The following KANK1 variants were observed in gnomAD, a reference collection of about 807,000 sequenced individuals.
KANK1 encodes KN motif and ankyrin repeat domains 1, also known as KN motif and ankyrin repeat domain-containing protein 1.
In KANK1, 109 loss-of-function variants were observed where a neutral mutation model predicts 106.2. The observed-to-expected ratio is 1.03, with a 90% CI of 0.88 to 1.20. KANK1 has a LOEUF of 1.20. Among genes scored for constraint, KANK1 ranks in the 50% most tolerant of loss-of-function variants. KANK1 has a pLI of 0.00. For missense variants in KANK1, 2,399 were observed against 1,710.7 expected (o/e 1.40, Z -7.10); for synonymous variants, 873 against 652.2 (o/e 1.34, Z -5.16).
intron 3 of KANK1, chr9:476,599 C>G (rs1260795479): frequency 6.6e-6 from 1 of 152,168 alleles, no homozygotes; most frequent in Non-Finnish European, 1.5e-5. Flanking sequence ...CTGCTTCCAT[C>G]TCACCCAGGA....
chr9:586,204 C>T (rs1474106873), intron 1 of KANK1, among the ~76,000 whole-genome samples: 3 of 152,140 alleles, frequency 2.0e-5, no homozygotes, highest in Non-Finnish European at 4.4e-5. Flanking sequence ...GTGGCTGGAC[C>T]AGGATTCATG....
intron 1 of KANK1, among the ~76,000 whole-genome samples, chr9:506,869 G>A (rs2058781291): frequency 6.6e-6 from 1 of 152,112 alleles, no homozygotes; most frequent in Non-Finnish European, 1.5e-5. Context: ...TGGGAGCTGA[G>A]GACTGTTGAG....
chr9:501,514 T>C (rs1438419239), upstream of KANK1, among the ~76,000 whole-genome samples: 2 of 152,204 alleles, frequency 1.3e-5, no homozygotes, highest in Non-Finnish European at 1.5e-5. Flanking sequence ...AATAATTCTT[T>C]TCTTTCATAT....
intron 1 of KANK1, among the ~76,000 whole-genome samples, chr9:625,912 A>G (rs1188613870): frequency 1.3e-5 from 2 of 152,028 alleles, no homozygotes; most frequent in African/African-American, 2.4e-5. Context: ...CCAGATGATC[A>G]TTTTCATCCT....
intron 1 of KANK1, among the ~76,000 whole-genome samples, chr9:637,310 C>G (rs1837380634): frequency 6.6e-6 from 1 of 152,116 alleles, no homozygotes; most frequent in South Asian, 2.1e-4. Flanking sequence ...TTTCTCTGGC[C>G]TTTCATCATC....
At chr9:593,072 T>G (rs1353344089) in intron 1 of KANK1, among the ~76,000 whole-genome samples, 2 of 151,842 alleles carry the variant, frequency 1.3e-5, no homozygotes, top group African/African-American at 2.4e-5. Flanking sequence ...GTAGACAATC[T>G]TGTTTTAGAT....
intron 1 of KANK1, chr9:674,442 G>A (rs1815965767): frequency 1.3e-5 from 2 of 151,344 alleles, no homozygotes; most frequent in African/African-American, 4.9e-5. Context: ...ACACTGAGTT[G>A]CTTTCACAGT....
At chr9:664,448 A>C (rs982573617) in intron 1 of KANK1, among the ~76,000 whole-genome samples, 5 of 152,038 alleles carry the variant, frequency 3.3e-5, no homozygotes, top group Non-Finnish European at 7.4e-5. Flanking sequence ...TTTTTACCAC[A>C]CTTTCTTTTT....
At chr9:724,783 C>CA (rs1362463249) in intron 3 of KANK1, among the ~76,000 whole-genome samples, 1 of 150,780 alleles carries the variant, frequency 6.6e-6, no homozygotes. Flanking sequence ...GGCTGGGCGA[C>CA]AGAGCGAGAC....
At chr9:631,257 A>C (rs188748435) in intron 1 of KANK1, among the ~76,000 whole-genome samples, 1 of 152,208 alleles carries the variant, frequency 6.6e-6, no homozygotes, top group South Asian at 2.1e-4. Flanking sequence ...AGAATTATCT[A>C]TGCAAGTTAT....
At chr9:603,832 C>T (rs10975368) in intron 1 of KANK1, among the ~76,000 whole-genome samples, 2,611 of 151,028 alleles carry the variant, frequency 0.017, 147 homozygotes, top group African/African-American at 0.061. Flanking sequence ...TGGTGGTGTG[C>T]GCCATAGTCC....
chr9:609,606 G>T (rs1429986123), intron 1 of KANK1, among the ~76,000 whole-genome samples: 5 of 151,904 alleles, frequency 3.3e-5, no homozygotes, highest in Non-Finnish European at 7.4e-5. Context: ...CTCCAGCCTG[G>T]GTGACAAGAG....
At chr9:552,716 A>G (rs2061354057) in intron 1 of KANK1, among the ~76,000 whole-genome samples, 1 of 152,178 alleles carries the variant, frequency 6.6e-6, no homozygotes, top group Non-Finnish European at 1.5e-5. Flanking sequence ...TTTCCCTGTG[A>G]CAATTTAGGG....
intron 2 of KANK1, among the ~76,000 whole-genome samples, chr9:705,515 A>G (rs895659839): frequency 6.6e-6 from 1 of 151,946 alleles, no homozygotes; most frequent in Non-Finnish European, 1.5e-5. Context: ...AAACGTTGTC[A>G]GACATCTCCT....
At chr9:519,182 G>A (rs4742064) in intron 1 of KANK1, among the ~76,000 whole-genome samples, 37,428 of 151,372 alleles carry the variant, frequency 0.25, 5,141 homozygotes, top group Admixed American at 0.33. Context: ...GAGACACTGC[G>A]CCCAGTGTCT....
chr9:560,646 G>A (rs1039453949), intron 1 of KANK1, among the ~76,000 whole-genome samples: 1 of 152,184 alleles, frequency 6.6e-6, no homozygotes, highest in African/African-American at 2.4e-5. Context: ...TAAAATGTTT[G>A]AGTAGCCCTT....
chr9:712,360 G>C lies in KANK1; in HGVS notation c.1594G>C (p.Asp532His), dbSNP rs1268797382. ...AGACCAAATGGTCGGCAGTCACATG[G>C]ACCTGGTGGACACGTGTGTTGGGAC... Reference protein sequence around the residue: ...TRDQMVGSHMDLVDTCVGTSV... With the variant: ...TRDQMVGSHMHLVDTCVGTSV... The change falls in exon 3 of 12, where the codon GAC (aspartate) becomes CAC (histidine). Residue 532 changes from aspartate to histidine, a missense_variant. Coordinates refer to ENST00000382297, the MANE Select transcript of KANK1 (RefSeq NM_015158.5). The C allele has an allele frequency of 2.5e-6, 4 of 1,614,224 alleles. No individual in the cohort carries two copies. Among genetic ancestry groups the C allele is most frequent in the Non-Finnish European group, 3.4e-6 (4 of 1,180,050 alleles).
chr9:716,896 T>G (rs1827856691), intron 3 of KANK1, among the ~76,000 whole-genome samples: 1 of 151,844 alleles, frequency 6.6e-6, no homozygotes, highest in African/African-American at 2.4e-5. Flanking sequence ...GATGATCTCT[T>G]GAGCCCAGGA....
rs192081523 is a variant in KANK1, at chr9:681,975, G to T, written c.37+4966G>T. 1.8e-3 allele frequency among the ~76,000 whole-genome samples: 266 copies of T among 151,994 alleles called. 1 individual carries two copies. The highest frequency in any genetic ancestry group is 5.5e-3 in the African/African-American group (228 of 41,414). ...TATTTATTTATTAAAGATGCTTATTGAATTGCATTAAAATGTTATTTAGGC... is the reference window on the plus strand; with the variant it reads ...TATTTATTTATTAAAGATGCTTATTTAATTGCATTAAAATGTTATTTAGGC... On this transcript the variant is annotated intron_variant, in intron 2 of 11. Transcript: ENST00000382297.
Sources: allele counts gnomAD v4.1 joint callset (sites outside exome capture counted in the v4.1 genomes callset), GRCh38; gene constraint gnomAD v4.1.1; transcripts MANE v1.5; gene names NCBI Gene and HGNC (gene_info 2026-07-23, HGNC 2026-07-21).